Variants in SYNPR observed in about 807,000 individuals in gnomAD.
The protein encoded by SYNPR is synaptoporin.
In SYNPR, 23 loss-of-function variants were observed where a neutral mutation model predicts 32.9. The observed-to-expected ratio is 0.70, with a 90% CI of 0.50 to 0.99. The LOEUF (loss-of-function observed/expected upper bound fraction) is 0.99. Ranked by LOEUF, SYNPR falls within the 50% of genes least tolerant of loss-of-function variation. The probability of loss-of-function intolerance (pLI) is 0.00; values close to 1 mark genes in which losing one functional copy is unlikely to be tolerated. For missense variants in SYNPR, 318 were observed against 349.3 expected (o/e 0.91, Z 0.71); for synonymous variants, 146 against 135.9 (o/e 1.07, Z -0.52).
chr3:63,226,351 G>A (rs2086128109), upstream of SYNPR, among the ~76,000 whole-genome samples: 1 of 152,150 alleles, frequency 6.6e-6, no homozygotes, highest in Non-Finnish European at 1.5e-5. Context: ...CCACTACTGG[G>A]TATGTATCCA....
intron 2 of SYNPR, among the ~76,000 whole-genome samples, chr3:63,353,839 C>T (rs2087540922): frequency 6.6e-6 from 1 of 152,126 alleles, no homozygotes; most frequent in Admixed American, 6.5e-5. Context: ...TTTTAATGCA[C>T]AAAAATATAG....
intron 1 of SYNPR, among the ~76,000 whole-genome samples, chr3:63,236,634 G>A (rs1244462789): frequency 2.0e-5 from 3 of 151,966 alleles, no homozygotes; most frequent in South Asian, 2.1e-4. Flanking sequence ...TGATTTTAGA[G>A]GTATTGTTTT....
chr3:63,547,980 AATCACC>A (rs1702438580), intron 3 of SYNPR, among the ~76,000 whole-genome samples: 1 of 152,166 alleles, frequency 6.6e-6, no homozygotes, highest in Non-Finnish European at 1.5e-5. Flanking sequence ...GTAGAAGTGA[AATCACC>A]ATCATCATTC....
At chr3:63,443,861 C>T (rs1700224219) in intron 2 of SYNPR, among the ~76,000 whole-genome samples, 1 of 152,154 alleles carries the variant, frequency 6.6e-6, no homozygotes, top group African/African-American at 2.4e-5. Flanking sequence ...AAAGTTTCTT[C>T]ATCAGTGTCA....
chr3:63,488,816 G>A (rs1479041729), intron 3 of SYNPR, among the ~76,000 whole-genome samples: 1 of 152,160 alleles, frequency 6.6e-6, no homozygotes, highest in Non-Finnish European at 1.5e-5. Context: ...TGTAGGGAAT[G>A]TCTTGGGGAT....
At chr3:63,306,503 A>T (rs1298452560) in intron 2 of SYNPR, among the ~76,000 whole-genome samples, 4 of 151,414 alleles carry the variant, frequency 2.6e-5, no homozygotes, top group Non-Finnish European at 5.9e-5. Flanking sequence ...ACTGATACAT[A>T]CCCTGCCTCT....
intron 2 of SYNPR, among the ~76,000 whole-genome samples, chr3:63,357,274 G>T (rs1523438): frequency 0.14 from 20,842 of 150,966 alleles, 1,680 homozygotes; most frequent in Non-Finnish European, 0.17. Context: ...CACCCCAGAC[G>T]TCCCCTTACC....
chr3:63,387,924 G>C (rs2088076199), intron 2 of SYNPR, among the ~76,000 whole-genome samples: 1 of 152,176 alleles, frequency 6.6e-6, no homozygotes, highest in African/African-American at 2.4e-5. Flanking sequence ...ATGGATCAGA[G>C]AAAACTTGGA....
At chr3:63,390,435 AG>A (rs1199908089) in intron 2 of SYNPR, among the ~76,000 whole-genome samples, 2 of 152,164 alleles carry the variant, frequency 1.3e-5, no homozygotes, top group Non-Finnish European at 2.9e-5. Flanking sequence ...CCTAACAGAA[AG>A]GGATCTGAGC....
intron 4 of SYNPR, among the ~76,000 whole-genome samples, chr3:63,608,168 C>A (rs1157634310): frequency 6.6e-6 from 1 of 152,132 alleles, no homozygotes. Flanking sequence ...TGCCTGCCAC[C>A]CCACCCGAGT....
At chr3:63,464,868 A>G (rs1230764038) in intron 2 of SYNPR, among the ~76,000 whole-genome samples, 1 of 152,156 alleles carries the variant, frequency 6.6e-6, no homozygotes, top group Non-Finnish European at 1.5e-5. Context: ...GGGAGCCCAA[A>G]GCTAAATTAT....
At chr3:63,603,782 C>T (rs1308475964) in intron 4 of SYNPR, among the ~76,000 whole-genome samples, 1 of 152,156 alleles carries the variant, frequency 6.6e-6, no homozygotes, top group Non-Finnish European at 1.5e-5. Flanking sequence ...CTATGTTCAT[C>T]AAGGATATTG....
intron 2 of SYNPR, among the ~76,000 whole-genome samples, chr3:63,381,549 A>G (rs962721842): frequency 6.6e-6 from 1 of 152,176 alleles, no homozygotes; most frequent in Non-Finnish European, 1.5e-5. Context: ...ACTGGAAAAA[A>G]CTGCTTTAAA....
At chr3:63,244,705 C>T (rs1398496286) in intron 1 of SYNPR, among the ~76,000 whole-genome samples, 1 of 152,092 alleles carries the variant, frequency 6.6e-6, no homozygotes, top group Non-Finnish European at 1.5e-5. Flanking sequence ...ATGGCAACTT[C>T]ATTTAGGACT....
chr3:63,565,148 C>G (rs1027101734), intron 4 of SYNPR, among the ~76,000 whole-genome samples: 7 of 152,130 alleles, frequency 4.6e-5, no homozygotes, highest in African/African-American at 1.7e-4. Flanking sequence ...GCCTGGCATA[C>G]CCAGAGAAAA....
chr3:63,267,957 G>A (rs917447537), intron 3 of SYNPR, among the ~76,000 whole-genome samples: 3 of 152,156 alleles, frequency 2.0e-5, no homozygotes, highest in Middle Eastern at 3.4e-3. Context: ...ACTAATTTCA[G>A]CAAAAATAGA....
At chr3:63,519,870 C>T (rs1307142122) in intron 3 of SYNPR, among the ~76,000 whole-genome samples, 1 of 151,888 alleles carries the variant, frequency 6.6e-6, no homozygotes, top group East Asian at 1.9e-4. Flanking sequence ...ACTCTGATAA[C>T]CAAAAAAGAA....
At chr3:63,225,491 C>T (rs2086121511), upstream of SYNPR, among the ~76,000 whole-genome samples, 1 of 152,090 alleles carries the variant, frequency 6.6e-6, no homozygotes, top group Non-Finnish European at 1.5e-5. Flanking sequence ...TAAAGTCCCT[C>T]AGAAGAAGGC....
intron 3 of SYNPR, among the ~76,000 whole-genome samples, chr3:63,543,650 C>T (rs1253257990): frequency 6.6e-6 from 1 of 152,056 alleles, no homozygotes; most frequent in African/African-American, 2.4e-5. Flanking sequence ...AAAGTCCAGT[C>T]TTTCCTATCA....
Sources: gnomAD v4.1 joint callset for allele counts (sites outside exome capture counted in the v4.1 genomes callset) on GRCh38, gnomAD v4.1.1 for gene constraint, MANE v1.5 for transcripts, NCBI Gene and HGNC (gene_info 2026-07-23, HGNC 2026-07-21) for gene names.